PALS2: variants seen among roughly 807,000 people sequenced by gnomAD.
The protein encoded by PALS2 is protein associated with LIN7 2, MAGUK p55 family member.
PALS2 carries 27 observed loss-of-function variants against 61.6 expected under a neutral mutation model. The observed-to-expected ratio is 0.44, with a 90% confidence interval of 0.32 to 0.60. The LOEUF (loss-of-function observed/expected upper bound fraction) is 0.60. PALS2 is among the 20% of genes least tolerant of loss of function. The probability of loss-of-function intolerance (pLI) is 0.05; values close to 1 mark genes in which losing one functional copy is unlikely to be tolerated. For missense variants in PALS2, 554 were observed against 639.4 expected, an observed-to-expected ratio of 0.87 and a Z score of 1.44; for synonymous variants, 236 against 218.6, an observed-to-expected ratio of 1.08 and a Z score of -0.70.
rs1788595203 is a variant in PALS2, at chr7:24,694,053, G to A, written c.*6439G>A. 1 of 151,746 alleles carries A rather than the reference G, an allele frequency of 6.6e-6. No individual in the cohort carries two copies. Among genetic ancestry groups the A allele is most frequent in the Non-Finnish European group, 1.5e-5 (1 of 67,950 alleles). The allele number at this position is 151,746 out of a possible 1,614,324, so 9.4% of individuals were successfully genotyped here. On this transcript the variant is annotated 3_prime_UTR_variant, in exon 12 of 12. Transcript: ENST00000222644. The stretch of plus-strand genomic sequence containing the variant: ...TGTTAGCAATCTGAAAATCAAAGCT[G>A]AACAAGCTGCTTAAAGTTTCTGATT...
In PALS2 at chr7:24,633,475, C is replaced by T. The variant is rs562183768; in HGVS notation, c.118-8241C>T. Among the ~76,000 whole-genome samples the T allele has an allele frequency of 3.7e-3, 408 of 109,192 alleles. 5 individuals are homozygous for T. Among genetic ancestry groups the T allele is most frequent in the Admixed American group, 0.03 (267 of 8,962 alleles). The allele number at this position is 109,192 out of a possible 152,430, so 71.6% of individuals were successfully genotyped here. ...TCTGCAGGTAAGGTTGCCCCCCCCC[C>T]ACCCCGATGTTTCAGTATTTTGTTT... On this transcript the variant is annotated intron_variant, in intron 2 of 11. Coordinates refer to ENST00000222644, the MANE Select transcript of PALS2 (RefSeq NM_001303037.2).
chr7:24,668,440 G>A, intron 8 of PALS2, 59 bp from the exon 9 acceptor site: 1 of 1,468,690 alleles, frequency 6.8e-7, no homozygotes, highest in Non-Finnish European at 9.3e-7. Flanking sequence ...CAGAATTGCA[G>A]AGATTTCTTT....
At chr7:24,592,492 A>G (rs2711134) in intron 1 of PALS2, among the ~76,000 whole-genome samples, 11,516 of 152,068 alleles carry the variant, frequency 0.076, 538 homozygotes, top group African/African-American at 0.13. Flanking sequence ...GGTGATGGGA[A>G]ACTATTGGAT....
chr7:24,585,127 G>A (rs908641792), intron 1 of PALS2, among the ~76,000 whole-genome samples: 3 of 152,162 alleles, frequency 2.0e-5, no homozygotes, highest in African/African-American at 7.2e-5. Context: ...TTTGGCTTAG[G>A]ATTACCTTGG....
intron 1 of PALS2, among the ~76,000 whole-genome samples, chr7:24,610,572 A>G (rs1461680971): frequency 1.3e-5 from 2 of 152,198 alleles, no homozygotes; most frequent in African/African-American, 4.8e-5. Flanking sequence ...GAGGGAAGAT[A>G]TGGATAGCAT....
At chr7:24,639,982 A>G (rs1284529212) in intron 2 of PALS2, among the ~76,000 whole-genome samples, 1 of 151,748 alleles carries the variant, frequency 6.6e-6, no homozygotes, top group African/African-American at 2.4e-5. Flanking sequence ...ATGCCTGCCT[A>G]ATTTTTGTAT....
intron 1 of PALS2, among the ~76,000 whole-genome samples, chr7:24,613,046 A>G (rs1338253821): frequency 6.6e-6 from 1 of 151,702 alleles, no homozygotes; most frequent in Non-Finnish European, 1.5e-5. Flanking sequence ...AAGCATTGAG[A>G]TGAGTTTGGG....
chr7:24,650,612 G>A lies in PALS2; in HGVS notation c.551G>A (p.Gly184Glu), dbSNP rs1786091424. The A allele has an allele frequency of 1.2e-6, 2 of 1,612,280 alleles. No homozygotes were observed. Among genetic ancestry groups the A allele is most frequent in the Non-Finnish European group, 8.5e-7 (1 of 1,178,816 alleles). ...IIKEVNGHEV[G>E]NNPKELQELL... The stretch of plus-strand genomic sequence containing the variant: ...AAAGAAGTCAATGGCCATGAGGTTG[G>A]AAATAATCCAAAGGAATTACAAGAA... Residue 184 changes from glycine to glutamate, a missense_variant, in exon 5 of 12, where the codon GGA (glycine) becomes GAA (glutamate). Gly to Glu is a moderately conservative substitution (Grantham distance 98, BLOSUM62 -2). Transcript: ENST00000222644.
At chr7:24,643,610 G>A (rs188017369) in intron 3 of PALS2, among the ~76,000 whole-genome samples, 10 of 152,176 alleles carry the variant, frequency 6.6e-5, no homozygotes, top group Non-Finnish European at 1.5e-4. Flanking sequence ...CAGGTGGTTT[G>A]TACATATAAG....
Position 24,665,433 on chromosome 7 carries a change from T to G in PALS2, c.784-155T>G, listed in dbSNP as rs1786964399. 7.2e-5 allele frequency among the ~76,000 whole-genome samples: 11 copies of G among 152,342 alleles called. No homozygotes were observed. The South Asian group carries it at 2.3e-3, about 32-fold the overall frequency. On this transcript the variant is annotated intron_variant, in intron 6 of 11. Transcript: ENST00000222644. ...ATTGATTCTTCAGTGCTGAATTGTT[T>G]AAATATCTTAACTGACAATGCTATG...
Position 24,624,605 on chromosome 7 carries a change from CTTT to C in PALS2, c.117+838_117+840del, listed in dbSNP as rs368160704. On this transcript the variant is annotated intron_variant, in intron 2 of 11. Coordinates refer to ENST00000222644, the MANE Select transcript of PALS2 (RefSeq NM_001303037.2). Reference sequence around the variant, plus strand: ...GAGTGAATTAATGATGCAGATTCTTCTTTTTTTTTTTTTTTTTTTGAGAGGAAG... The same window carrying C: ...GAGTGAATTAATGATGCAGATTCTTCTTTTTTTTTTTTTTTTGAGAGGAAG... 2.3e-4 allele frequency among the ~76,000 whole-genome samples: 20 copies of C among 86,348 alleles called. No homozygotes were observed. The East Asian group carries it at 8.1e-3, about 35-fold the overall frequency. The allele number at this position is 86,348 out of a possible 152,430, so 56.6% of individuals were successfully genotyped here.
At chr7:24,641,468 C>T (rs1447978029) in intron 2 of PALS2, among the ~76,000 whole-genome samples, 1 of 151,876 alleles carries the variant, frequency 6.6e-6, no homozygotes, top group Non-Finnish European at 1.5e-5. Context: ...CCAGTTTTTT[C>T]ATGGTTTAGT....
At chr7:24,665,564 T>G (rs370656581) in intron 6 of PALS2, 24 bp from the exon 7 acceptor site, 61 of 1,609,622 alleles carry the variant, frequency 3.8e-5, no homozygotes, top group Non-Finnish European at 4.3e-5. Context: ...CACTGAGATG[T>G]ACAATTCATT....
intron 5 of PALS2, among the ~76,000 whole-genome samples, chr7:24,661,410 C>T (rs1207065634): frequency 6.6e-6 from 1 of 151,826 alleles, no homozygotes; most frequent in Non-Finnish European, 1.5e-5. Flanking sequence ...ATGGCATTTC[C>T]ATAACAATTT....
At chr7:24,634,379 C>T (rs1454880405) in intron 2 of PALS2, among the ~76,000 whole-genome samples, 4 of 152,060 alleles carry the variant, frequency 2.6e-5, no homozygotes, top group East Asian at 1.9e-4. Context: ...TACAGGCGCC[C>T]GCCATCACAC....
chr7:24,623,039 A>G (rs1784585983), intron 1 of PALS2, among the ~76,000 whole-genome samples: 1 of 151,878 alleles, frequency 6.6e-6, no homozygotes, highest in Non-Finnish European at 1.5e-5. Flanking sequence ...ATTATGTACA[A>G]TTGTTTGTAT....
chr7:24,629,817 G>C (rs1054502751), intron 2 of PALS2, among the ~76,000 whole-genome samples: 6 of 152,138 alleles, frequency 3.9e-5, no homozygotes, highest in African/African-American at 1.4e-4. Context: ...TCATTAAAAA[G>C]TCTGGAAACA....
chr7:24,583,115 A>G (rs967911062), intron 1 of PALS2, among the ~76,000 whole-genome samples: 27 of 151,532 alleles, frequency 1.8e-4, no homozygotes, highest in African/African-American at 6.5e-4. Context: ...ATGGTCCTGA[A>G]CTCCTGACCT....
chr7:24,665,786 C>T, intron 7 of PALS2, 99 bp downstream of exon 7: 1 of 1,134,216 alleles, frequency 8.8e-7, no homozygotes, highest in Non-Finnish European at 1.3e-6. Context: ...TAAAATATGT[C>T]TAGAATGAAT....
Sources: gnomAD v4.1 joint callset for allele counts (sites outside exome capture counted in the v4.1 genomes callset) on GRCh38, gnomAD v4.1.1 for gene constraint, MANE v1.5 for transcripts, NCBI Gene and HGNC (gene_info 2026-07-23, HGNC 2026-07-21) for gene names.